Variants in ZNF786 observed in about 807,000 individuals in gnomAD.
ZNF786 encodes zinc finger protein 786.
Under a neutral mutation model 63.1 loss-of-function variants are expected in ZNF786, and 56 were observed. The ratio of observed to expected loss-of-function variants is 0.89; its 90% CI spans 0.72 to 1.11. The LOEUF (loss-of-function observed/expected upper bound fraction) is 1.11, where lower values mean the gene tolerates loss of function less well. ZNF786 is among the 50% of genes least tolerant of loss of function. The pLI, the probability that ZNF786 is intolerant of heterozygous loss-of-function variation, is 0.00. For missense variants in ZNF786, 1,213 were observed against 1,041.8 expected (o/e 1.16, Z -2.26); for synonymous variants, 485 against 406.9 (o/e 1.19, Z -2.31).
chr7:149,070,679 T>G lies in ZNF786; in HGVS notation c.2093A>C (p.His698Pro). Reference sequence around the variant, plus strand: ...GCAGTGAAAAGGCCTCTCCCCTGTGTGCAGGCCCTGATGGCTGAGCAGCTG... The same window carrying G: ...GCAGTGAAAAGGCCTCTCCCCTGTGGGCAGGCCCTGATGGCTGAGCAGCTG... Reference protein sequence around the residue: ...KAQLLSHQGLHTGERPFHCPE... With the variant: ...KAQLLSHQGLPTGERPFHCPE... The change falls in exon 4 of 4, where the codon CAC becomes CCC. Residue 698 changes from histidine (H) to proline (P), a missense_variant. By Grantham distance (77) the His-to-Pro change is moderately conservative. Coordinates refer to ENST00000491431, the MANE Select transcript of ZNF786 (RefSeq NM_152411.4). The G allele has an allele frequency of 6.2e-7, 1 of 1,613,984 alleles. No individual in the cohort carries two copies. Among genetic ancestry groups the G allele is most frequent in the Non-Finnish European group, 8.5e-7 (1 of 1,179,910 alleles).
At chr7:149,084,008 T>A (rs1340003113) in intron 1 of ZNF786, among the ~76,000 whole-genome samples, 1 of 152,196 alleles carries the variant, frequency 6.6e-6, no homozygotes, top group Admixed American at 6.5e-5. Flanking sequence ...ACATGTGTCT[T>A]TATGCAGAAC....
chr7:149,075,014 G>C (rs1346708833), intron 2 of ZNF786, among the ~76,000 whole-genome samples: 6 of 151,864 alleles, frequency 4.0e-5, no homozygotes, highest in African/African-American at 1.5e-4. Context: ...ATTTTTAGTG[G>C]AGACGGGTTT....
intron 2 of ZNF786, among the ~76,000 whole-genome samples, chr7:149,076,553 C>G (rs1008512106): frequency 1.3e-5 from 2 of 151,072 alleles, no homozygotes; most frequent in Non-Finnish European, 3.0e-5. Context: ...ATGGTGAAAG[C>G]TCATCTAATA....
At chr7:149,073,753 ATATATATATATATATATATATATATATG>A (rs1486063039) in intron 3 of ZNF786, among the ~76,000 whole-genome samples, 811 of 66,428 alleles carry the variant, frequency 0.012, 13 homozygotes, top group African/African-American at 0.036. Flanking sequence ...GTGTGTATAT[ATATATATATATATATATATATATATATG>A]TATATATATA....
At position 149,086,567 on chromosome 7, in the gene ZNF786, G is replaced by A. The variant is rs1459294419; in HGVS notation, c.18+4056C>T. Among the ~76,000 whole-genome samples the A allele has an allele frequency of 2.0e-5, 3 of 152,000 alleles. No homozygotes were observed. In the East Asian group the frequency reaches 5.8e-4, roughly 29 times the overall value. On this transcript the variant is annotated intron_variant, in intron 1 of 3. Transcript: ENST00000491431. ...CGCTTGAACCCAGGAGGCAGAGATT[G>A]CAGTGAGCCAGTATCACACCATTGC...
In ZNF786 at chr7:149,069,917, G is replaced by A. The variant is rs1458857764; in HGVS notation, c.*506C>T. ...ATTACAGGCATGAACCACTGTGCCT[G>A]GCCTAAATTTACTTTTATAACAATT... On this transcript the variant is annotated 3_prime_UTR_variant, in exon 4 of 4. Coordinates refer to ENST00000491431, the MANE Select transcript of ZNF786 (RefSeq NM_152411.4). 6.5e-6 allele frequency: 1 copy of A among 154,676 alleles called. No homozygotes were observed. Among genetic ancestry groups the A allele is most frequent in the African/African-American group, 2.4e-5 (1 of 41,430 alleles). The allele number at this position is 154,676 out of a possible 1,614,324, so 9.6% of individuals were successfully genotyped here. A position where few individuals can be genotyped will look rare whatever the true frequency, so the allele number is the denominator to read the frequency against.
intron 1 of ZNF786, among the ~76,000 whole-genome samples, chr7:149,088,128 G>C (rs888728776): frequency 6.6e-6 from 1 of 151,614 alleles, no homozygotes; most frequent in African/African-American, 2.4e-5. Context: ...TCAGCCTCTC[G>C]AGTATCTGGG....
chr7:149,070,610 C>G lies in ZNF786; in HGVS notation c.2162G>C (p.Arg721Thr). 4 of 1,614,006 alleles carry G rather than the reference C, an allele frequency of 2.5e-6. No individual in the cohort carries two copies. The highest frequency in any genetic ancestry group is 3.4e-6 in the Non-Finnish European group (4 of 1,179,900). The change falls in exon 4 of 4, where the codon AGG becomes ACG. Residue 721 changes from arginine to threonine, a missense_variant. Transcript: ENST00000491431. ...CTCGGGCCTGTGGATGCGCTGGTGC[C>G]TCAGCATGTGTCCCCTTTCCCGGAA... is the stretch of plus-strand genomic sequence containing the variant. ...KNFRERGHML[R>T]HQRIHRPERP...
chr7:149,090,707 C>G lies in ZNF786; in HGVS notation c.-67G>C. Reference sequence around the variant, plus strand: ...TCCGGCGGCTCCGCAGGAACCTGCCCTGCTGCGCACTGACTCCCCTCCGCT... The same window carrying G: ...TCCGGCGGCTCCGCAGGAACCTGCCGTGCTGCGCACTGACTCCCCTCCGCT... On this transcript the variant is annotated 5_prime_UTR_variant, in exon 1 of 4. Transcript: ENST00000491431. The G allele has an allele frequency of 6.7e-7, 1 of 1,502,998 alleles. No individual in the cohort carries two copies. Among genetic ancestry groups the G allele is most frequent in the South Asian group, 1.3e-5 (1 of 79,628 alleles). 93.1% of individuals were successfully genotyped at this position (1,502,998 alleles called of 1,614,324 possible). A position where few individuals can be genotyped will look rare whatever the true frequency, so the allele number is the denominator to read the frequency against.
chr7:149,089,343 C>T (rs1475498811), intron 1 of ZNF786, among the ~76,000 whole-genome samples: 6 of 151,900 alleles, frequency 3.9e-5, no homozygotes, highest in African/African-American at 1.5e-4. Context: ...GAGATAGAGT[C>T]TCGCTCTGTC....
chr7:149,072,535 C>T, intron 3 of ZNF786, 62 bp from the exon 4 acceptor site: 2 of 1,470,050 alleles, frequency 1.4e-6, no homozygotes, highest in Non-Finnish European at 1.8e-6. Flanking sequence ...GCGATTCTCA[C>T]AGTCAAGTGA....
intron 1 of ZNF786, among the ~76,000 whole-genome samples, chr7:149,084,815 TTTTG>T (rs1265883153): frequency 1.2e-4 from 18 of 152,308 alleles, no homozygotes; most frequent in African/African-American, 3.8e-4. Context: ...ATGTGTCAAT[TTTTG>T]TTTTTGTTGC....
intron 1 of ZNF786, 75 bp downstream of exon 1, chr7:149,090,548 G>C: frequency 1.4e-6 from 2 of 1,430,068 alleles, no homozygotes; most frequent in East Asian, 2.7e-5. Context: ...GGGACCCCAG[G>C]ACACGGGCGA....
intron 3 of ZNF786, among the ~76,000 whole-genome samples, chr7:149,073,941 C>G (rs1014059005): frequency 6.6e-6 from 1 of 151,058 alleles, no homozygotes; most frequent in African/African-American, 2.4e-5. Flanking sequence ...CAGGCACCTG[C>G]CACCATGCCC....
chr7:149,069,944 C>T lies in ZNF786; in HGVS notation c.*479G>A, dbSNP rs1388981304. The T allele has an allele frequency of 1.3e-5, 2 of 154,558 alleles. No homozygotes were observed. Among genetic ancestry groups the T allele is most frequent in the African/African-American group, 4.8e-5 (2 of 41,442 alleles). The allele number at this position is 154,558 out of a possible 1,614,324, so 9.6% of individuals were successfully genotyped here. A position where few individuals can be genotyped will look rare whatever the true frequency, so the allele number is the denominator to read the frequency against. On this transcript the variant is annotated 3_prime_UTR_variant, in exon 4 of 4. Coordinates refer to ENST00000491431, the MANE Select transcript of ZNF786 (RefSeq NM_152411.4). ...CCTAAATTTACTTTTATAACAATTA[C>T]TTTTTAAAATGTCAGAACTTCCTTA...
In ZNF786 at chr7:149,070,900, C is replaced by T. The variant is rs754133533; in HGVS notation, c.1872G>A (p.Pro624=). 4 of 1,611,492 alleles carry T rather than the reference C, an allele frequency of 2.5e-6. No individual in the cohort carries two copies. The highest frequency in any genetic ancestry group is 1.1e-5 in the South Asian group (1 of 90,976). The change falls in exon 4 of 4, where the codon CCG becomes CCA. Residue 624 remains proline, a synonymous_variant. Coordinates refer to ENST00000491431, the MANE Select transcript of ZNF786 (RefSeq NM_152411.4). ...TCACGCGATAGCGCTTGTCGCACTC[C>T]GGACACTGGAAGGGCCTCTCTCCCG... The part of the protein sequence containing the change: ...LHTGERPFQC[P]ECDKRYRVKA...
At chr7:149,090,347 C>T (rs753057738) in intron 1 of ZNF786, among the ~76,000 whole-genome samples, 2 of 152,248 alleles carry the variant, frequency 1.3e-5, no homozygotes, top group Non-Finnish European at 2.9e-5. Flanking sequence ...TCCCCGTCCG[C>T]CCGGCATCCT....
intron 1 of ZNF786, among the ~76,000 whole-genome samples, chr7:149,086,175 T>G (rs1825732542): frequency 6.6e-6 from 1 of 152,196 alleles, no homozygotes; most frequent in South Asian, 2.1e-4. Flanking sequence ...TCCTTTAAAT[T>G]TGTCTTAGTC....
intron 2 of ZNF786, among the ~76,000 whole-genome samples, chr7:149,074,861 A>G (rs1325221323): frequency 6.6e-6 from 1 of 151,824 alleles, no homozygotes; most frequent in African/African-American, 2.4e-5. Flanking sequence ...ATTTTTTGAG[A>G]TGGGTTCTCA....
Sources: allele counts gnomAD v4.1 joint callset (sites outside exome capture counted in the v4.1 genomes callset), GRCh38; gene constraint gnomAD v4.1.1; transcripts MANE v1.5; gene names NCBI Gene and HGNC (gene_info 2026-07-23, HGNC 2026-07-21).